NEGR1: variants seen among roughly 807,000 people sequenced by gnomAD.
The protein encoded by NEGR1 is neuronal growth regulator 1, also known as IgLON family member 4.
NEGR1 carries 10 observed loss-of-function variants against 40.9 expected under a neutral mutation model. That is an observed-to-expected ratio of 0.24 (90% confidence interval 0.15 to 0.42). The LOEUF is 0.42. Among genes scored for constraint, NEGR1 ranks in the 10% least tolerant of loss-of-function variants. NEGR1 has a pLI of 1.00. For missense variants in NEGR1, 352 were observed against 438.9 expected, an observed-to-expected ratio of 0.80 and a Z score of 1.77; for synonymous variants, 185 against 166.8, an observed-to-expected ratio of 1.11 and a Z score of -0.84.
chr1:71,899,492 T>C (rs577571953), intron 2 of NEGR1, among the ~76,000 whole-genome samples: 2 of 152,222 alleles, frequency 1.3e-5, no homozygotes, highest in East Asian at 3.9e-4. Context: ...GAAGAATCAC[T>C]GAGGAAGAAA....
chr1:72,267,962 G>A (rs947574375), intron 1 of NEGR1, among the ~76,000 whole-genome samples: 10 of 151,014 alleles, frequency 6.6e-5, no homozygotes, highest in Non-Finnish European at 1.5e-4. Flanking sequence ...AGAGAAAACA[G>A]TATGAAAGAA....
chr1:71,544,887 G>A (rs1647836505), intron 6 of NEGR1, among the ~76,000 whole-genome samples: 1 of 151,672 alleles, frequency 6.6e-6, no homozygotes, highest in Admixed American at 6.6e-5. Flanking sequence ...TAATTCTGCA[G>A]CCTTGAGCAA....
At chr1:71,804,668 C>G (rs1657688502) in intron 2 of NEGR1, among the ~76,000 whole-genome samples, 1 of 152,184 alleles carries the variant, frequency 6.6e-6, no homozygotes, top group African/African-American at 2.4e-5. Context: ...ATTTCCTATG[C>G]CTGTCTTTAC....
intron 6 of NEGR1, among the ~76,000 whole-genome samples, chr1:71,495,988 G>C (rs12134446): frequency 6.6e-6 from 1 of 152,074 alleles, no homozygotes; most frequent in African/African-American, 2.4e-5. Flanking sequence ...TATTTCAGAG[G>C]CTTCATACTT....
chr1:72,111,079 TATATATAC>T (rs949787650), intron 1 of NEGR1, among the ~76,000 whole-genome samples: 1 of 39,334 alleles, frequency 2.5e-5, no homozygotes, highest in African/African-American at 5.1e-5. Flanking sequence ...TACACATATA[TATATATAC>T]ACACACACAC....
At position 71,783,876 on chromosome 1, in the gene NEGR1, A is replaced by ATCCATCCATCCG. The variant is rs34429157; in HGVS notation, c.410-7580_410-7579insCGGATGGATGGA. Among the ~76,000 whole-genome samples, 35 of 144,688 alleles carry ATCCATCCATCCG rather than the reference A, an allele frequency of 2.4e-4. 2 individuals are homozygous for ATCCATCCATCCG. The highest frequency in any genetic ancestry group is 1.4e-3 in the East Asian group (7 of 4,920). The allele number at this position is 144,688 out of a possible 152,430, so 94.9% of individuals were successfully genotyped here. A position where few individuals can be genotyped will look rare whatever the true frequency, so the allele number is the denominator to read the frequency against. Reference sequence around the variant, plus strand: ...CATCCATCCATCCATCCATCCATCCAATAGACATTTATTAAGCCCCATCTC... The same window carrying ATCCATCCATCCG: ...CATCCATCCATCCATCCATCCATCCATCCATCCATCCGATAGACATTTATTAAGCCCCATCTC... On this transcript the variant is annotated intron_variant, in intron 2 of 6. Transcript: ENST00000357731.
At chr1:72,074,252 G>T (rs1365537219) in intron 1 of NEGR1, among the ~76,000 whole-genome samples, 1 of 152,036 alleles carries the variant, frequency 6.6e-6, no homozygotes, top group South Asian at 2.1e-4. Flanking sequence ...TGACTATGTT[G>T]ATACTCCTAA....
intron 1 of NEGR1, among the ~76,000 whole-genome samples, chr1:72,116,838 C>T (rs910399686): frequency 4.0e-5 from 6 of 151,662 alleles, no homozygotes; most frequent in African/African-American, 1.5e-4. Flanking sequence ...AAAATGCCCT[C>T]CAATATTCAC....
chr1:71,984,664 A>T (rs927968982), intron 1 of NEGR1, among the ~76,000 whole-genome samples: 16 of 152,198 alleles, frequency 1.1e-4, no homozygotes, highest in Non-Finnish European at 1.9e-4. Context: ...TTGTAGTGAG[A>T]AATAATTTTT....
At chr1:71,861,933 A>G (rs570382058) in intron 2 of NEGR1, among the ~76,000 whole-genome samples, 6 of 152,194 alleles carry the variant, frequency 3.9e-5, no homozygotes, top group African/African-American at 1.4e-4. Flanking sequence ...AAATCACACC[A>G]TCTCTTCAAG....
At chr1:71,708,379 C>A (rs928733377) in intron 3 of NEGR1, among the ~76,000 whole-genome samples, 2 of 151,594 alleles carry the variant, frequency 1.3e-5, no homozygotes, top group African/African-American at 4.8e-5. Context: ...CTGAAAAATA[C>A]ATTGGAGTGC....
intron 2 of NEGR1, among the ~76,000 whole-genome samples, chr1:71,860,248 A>C (rs182091273): frequency 6.6e-6 from 1 of 152,024 alleles, no homozygotes; most frequent in African/African-American, 2.4e-5. Context: ...AAGAGACAAT[A>C]TACGCTTGCT....
At chr1:71,775,089 C>T (rs909640497) in intron 3 of NEGR1, among the ~76,000 whole-genome samples, 5 of 152,270 alleles carry the variant, frequency 3.3e-5, no homozygotes, top group Non-Finnish European at 7.4e-5. Flanking sequence ...TGAAATCAGA[C>T]CCAGCAAACT....
Position 71,403,565 on chromosome 1 carries a change from G to T in NEGR1, c.*3881C>A, listed in dbSNP as rs949679196. The T allele has an allele frequency of 2.2e-5, 5 of 225,128 alleles. No homozygotes were observed. Among genetic ancestry groups the T allele is most frequent in the African/African-American group, 1.1e-4 (5 of 44,694 alleles). 13.9% of individuals were successfully genotyped at this position (225,128 alleles called of 1,614,324 possible). ...CAACAGCAAGAAAGAATATAGTGTG[G>T]AGTCATTTGAAACTGTAGCATCTAG... On this transcript the variant is annotated 3_prime_UTR_variant, in exon 7 of 7. Transcript: ENST00000357731.
chr1:72,022,185 A>G (rs1034159156), intron 1 of NEGR1, among the ~76,000 whole-genome samples: 1 of 149,718 alleles, frequency 6.7e-6, no homozygotes, highest in African/African-American at 2.4e-5. Context: ...CTCTGTACTG[A>G]TTTTTTGGGG....
chr1:71,867,215 A>C (rs1439548246), intron 2 of NEGR1, among the ~76,000 whole-genome samples: 1 of 152,144 alleles, frequency 6.6e-6, no homozygotes, highest in Non-Finnish European at 1.5e-5. Context: ...CTCTACTAAA[A>C]ATACAAAAAA....
intron 2 of NEGR1, among the ~76,000 whole-genome samples, chr1:71,885,571 T>C (rs970617810): frequency 2.6e-5 from 4 of 152,158 alleles, no homozygotes; most frequent in African/African-American, 9.7e-5. Context: ...TCTGGGTGAA[T>C]TAAAAAACAC....
intron 1 of NEGR1, among the ~76,000 whole-genome samples, chr1:72,280,949 G>A (rs552961126): frequency 6.6e-6 from 1 of 152,288 alleles, no homozygotes; most frequent in East Asian, 1.9e-4. Context: ...GGGGGAGAAG[G>A]GAGGGTGATG....
chr1:71,923,198 G>A (rs571646511), intron 2 of NEGR1, among the ~76,000 whole-genome samples: 5 of 152,158 alleles, frequency 3.3e-5, no homozygotes, highest in South Asian at 2.1e-4. Context: ...TTCACAACCC[G>A]CCATGCATTT....
Sources: gnomAD v4.1 joint callset for allele counts (sites outside exome capture counted in the v4.1 genomes callset) on GRCh38, gnomAD v4.1.1 for gene constraint, MANE v1.5 for transcripts, NCBI Gene and HGNC (gene_info 2026-07-23, HGNC 2026-07-21) for gene names.